ZBTB20: variants seen among roughly 807,000 people sequenced by gnomAD.
The protein encoded by ZBTB20 is zinc finger and BTB domain containing 20, also known as zinc finger and BTB domain-containing protein 20.
Under a neutral mutation model 56.9 loss-of-function variants are expected in ZBTB20, and 9 were observed. The ratio of observed to expected loss-of-function variants is 0.16; its 90% CI spans 0.10 to 0.28. ZBTB20 has a LOEUF of 0.28. ZBTB20 is among the 10% of genes least tolerant of loss of function. The pLI, the probability that ZBTB20 is intolerant of heterozygous loss-of-function variation, is 1.00. For missense variants in ZBTB20, 655 were observed against 1,003.0 expected (o/e 0.65, Z 4.69); for synonymous variants, 417 against 420.7 (o/e 0.99, Z 0.11).
intron 3 of ZBTB20, among the ~76,000 whole-genome samples, chr3:114,936,266 A>AC: frequency 6.6e-6 from 1 of 152,324 alleles, no homozygotes; most frequent in African/African-American, 2.4e-5. Context: ...GCATGCACAC[A>AC]TGCATGCACG....
chr3:114,464,840 C>T (rs1344003261), intron 7 of ZBTB20, among the ~76,000 whole-genome samples: 1 of 152,048 alleles, frequency 6.6e-6, no homozygotes, highest in Admixed American at 6.6e-5. Context: ...TGCTCTAGGT[C>T]CCCTAGAGCA....
intron 1 of ZBTB20, among the ~76,000 whole-genome samples, chr3:115,082,218 TA>T (rs2108543855): frequency 6.6e-6 from 1 of 152,330 alleles, no homozygotes; most frequent in East Asian, 1.9e-4. Flanking sequence ...AAACAAGTTC[TA>T]AAATTGCGGT....
At chr3:114,675,214 T>A (rs1578277166) in intron 6 of ZBTB20, among the ~76,000 whole-genome samples, 2 of 151,868 alleles carry the variant, frequency 1.3e-5, no homozygotes, top group African/African-American at 4.8e-5. Flanking sequence ...GCTGTAGTCA[T>A]CAAAGTGGAA....
At chr3:114,448,276 A>T (rs1301400654) in intron 7 of ZBTB20, among the ~76,000 whole-genome samples, 1 of 152,120 alleles carries the variant, frequency 6.6e-6, no homozygotes, top group Non-Finnish European at 1.5e-5. Context: ...ACAAAATTCA[A>T]GAGGAAAAAA....
chr3:115,002,108 G>C (rs1228249188), intron 2 of ZBTB20, among the ~76,000 whole-genome samples: 2 of 151,356 alleles, frequency 1.3e-5, no homozygotes, highest in African/African-American at 2.4e-5. Flanking sequence ...ACTGTTCTTT[G>C]ACAAAGAAGT....
intron 6 of ZBTB20, among the ~76,000 whole-genome samples, chr3:114,650,926 T>C (rs189858593): frequency 1.1e-4 from 16 of 152,140 alleles, no homozygotes; most frequent in African/African-American, 3.4e-4. Context: ...ATTTATCATT[T>C]TGATAAAACT....
chr3:114,378,438 A>G (rs1054701839), intron 10 of ZBTB20, among the ~76,000 whole-genome samples: 1 of 152,204 alleles, frequency 6.6e-6, no homozygotes, highest in African/African-American at 2.4e-5. Flanking sequence ...TGGCTTCCCC[A>G]GGGCCACCAA....
intron 4 of ZBTB20, among the ~76,000 whole-genome samples, chr3:114,822,124 A>G (rs1471580409): frequency 6.6e-6 from 1 of 152,100 alleles, no homozygotes; most frequent in African/African-American, 2.4e-5. Flanking sequence ...TAGATGCAAC[A>G]ATATTAGAGC....
At chr3:115,058,894 A>C (rs1164614021) in intron 2 of ZBTB20, among the ~76,000 whole-genome samples, 1 of 152,098 alleles carries the variant, frequency 6.6e-6, no homozygotes, top group South Asian at 2.1e-4. Flanking sequence ...TGTGTGCTTC[A>C]GATTGGATAG....
At chr3:115,111,990 T>G (rs2083894474) in intron 1 of ZBTB20, among the ~76,000 whole-genome samples, 2 of 152,170 alleles carry the variant, frequency 1.3e-5, no homozygotes, top group South Asian at 4.1e-4. Context: ...TCTCAAGAAA[T>G]TGATTCTCCG....
At position 114,654,090 on chromosome 3, in the gene ZBTB20, G is replaced by A. The variant is rs556590794; in HGVS notation, c.-295+39438C>T. Among the ~76,000 whole-genome samples, 3 of 151,564 alleles carry A rather than the reference G, an allele frequency of 2.0e-5. No homozygotes were observed. In the South Asian group the frequency reaches 6.2e-4, roughly 31 times the overall value. On this transcript the variant is annotated intron_variant, in intron 6 of 11. Coordinates refer to ENST00000675478, the MANE Select transcript of ZBTB20 (RefSeq NM_001348800.3). Reference sequence around the variant, plus strand: ...CTTTCATTAATCTTCTTTGTAGTTTGTTTTTATTTCACAGTTTTCTGCCTT... The same window carrying A: ...CTTTCATTAATCTTCTTTGTAGTTTATTTTTATTTCACAGTTTTCTGCCTT...
intron 6 of ZBTB20, among the ~76,000 whole-genome samples, chr3:114,553,322 GA>G (rs1169616745): frequency 6.6e-6 from 1 of 152,088 alleles, no homozygotes; most frequent in Non-Finnish European, 1.5e-5. Flanking sequence ...CAATTTTGTA[GA>G]AAAAATATAA....
At chr3:114,376,652 C>G (rs538491421) in intron 10 of ZBTB20, among the ~76,000 whole-genome samples, 22 of 152,190 alleles carry the variant, frequency 1.4e-4, no homozygotes, top group African/African-American at 5.3e-4. Flanking sequence ...ACCTACGGAG[C>G]TAAAGTTAAA....
intron 6 of ZBTB20, among the ~76,000 whole-genome samples, chr3:114,506,142 C>G (rs1248818143): frequency 6.6e-6 from 1 of 152,056 alleles, no homozygotes; most frequent in Non-Finnish European, 1.5e-5. Flanking sequence ...ATCTTGGGGT[C>G]TGCTTTCCAA....
At chr3:114,467,150 G>A (rs980870807) in intron 7 of ZBTB20, among the ~76,000 whole-genome samples, 2 of 152,202 alleles carry the variant, frequency 1.3e-5, no homozygotes, top group African/African-American at 4.8e-5. Flanking sequence ...ATAGCAGTAG[G>A]AGTTTGAGAT....
chr3:114,636,457 A>T (rs944933635), intron 6 of ZBTB20, among the ~76,000 whole-genome samples: 2 of 152,058 alleles, frequency 1.3e-5, no homozygotes, highest in Admixed American at 1.3e-4. Context: ...AAAAGACAAA[A>T]CTATAAAAGT....
chr3:115,128,209 T>G (rs971186264), intron 1 of ZBTB20, among the ~76,000 whole-genome samples: 12 of 152,226 alleles, frequency 7.9e-5, no homozygotes, highest in African/African-American at 2.9e-4. Context: ...TCAATTGCTA[T>G]TAATTTCACA....
chr3:114,613,231 A>G (rs922794647), intron 6 of ZBTB20, among the ~76,000 whole-genome samples: 6 of 152,182 alleles, frequency 3.9e-5, no homozygotes, highest in Non-Finnish European at 7.4e-5. Context: ...AAAAATAATT[A>G]AAAGAGTTTG....
At chr3:114,907,296 C>T (rs991282254) in intron 3 of ZBTB20, among the ~76,000 whole-genome samples, 16 of 151,828 alleles carry the variant, frequency 1.1e-4, no homozygotes, top group Admixed American at 9.2e-4. Flanking sequence ...ACCAAAAATA[C>T]TTCATCGGAA....
Sources: gnomAD v4.1 joint callset for allele counts (sites outside exome capture counted in the v4.1 genomes callset) on GRCh38, gnomAD v4.1.1 for gene constraint, MANE v1.5 for transcripts, NCBI Gene and HGNC (gene_info 2026-07-23, HGNC 2026-07-21) for gene names.